Variants in PIAS4 observed in about 807,000 individuals in gnomAD.
The protein encoded by PIAS4 is protein inhibitor of activated STAT 4.
A neutral mutation model predicts 58.0 loss-of-function variants in PIAS4; 7 were observed. The ratio of observed to expected loss-of-function variants is 0.12; its 90% CI spans 0.07 to 0.23. The LOEUF (loss-of-function observed/expected upper bound fraction) is 0.23, where lower values mean the gene tolerates loss of function less well. PIAS4 is among the 10% of genes least tolerant of loss of function. The pLI is 1.00. For missense variants in PIAS4, 550 were observed against 709.5 expected (o/e 0.78, Z 2.55); for synonymous variants, 364 against 312.4 (o/e 1.17, Z -1.74).
intron 8 of PIAS4, 102 bp downstream of exon 8, chr19:4,033,275 G>C (rs1053228203): frequency 2.2e-6 from 3 of 1,372,194 alleles, no homozygotes; most frequent in African/African-American, 1.4e-5. Flanking sequence ...GTGAGCCTGC[G>C]GGGGCGAGGC....
intron 1 of PIAS4, among the ~76,000 whole-genome samples, chr19:4,009,441 GC>G (rs2039972982): frequency 6.6e-6 from 1 of 152,096 alleles, no homozygotes; most frequent in Non-Finnish European, 1.5e-5. Context: ...CCGTTTCGGG[GC>G]TTGGAGCTGT....
At chr19:4,017,952 G>A (rs1304926730) in intron 2 of PIAS4, among the ~76,000 whole-genome samples, 1 of 152,186 alleles carries the variant, frequency 6.6e-6, no homozygotes, top group Admixed American at 6.5e-5. Context: ...TGGGGTTACA[G>A]GCGTGAGCCA....
At chr19:4,014,197 C>A (rs1429376509) in intron 2 of PIAS4, among the ~76,000 whole-genome samples, 1 of 152,150 alleles carries the variant, frequency 6.6e-6, no homozygotes, top group Non-Finnish European at 1.5e-5. Context: ...TGCTGGGCTC[C>A]ACGCTTCTCT....
chr19:4,025,333 C>T (rs1422801755), intron 3 of PIAS4, among the ~76,000 whole-genome samples: 1 of 152,174 alleles, frequency 6.6e-6, no homozygotes, highest in Non-Finnish European at 1.5e-5. Flanking sequence ...AGTGTGGCTG[C>T]CCTGCGCTCT....
chr19:4,033,344 G>A (rs2040241670), intron 8 of PIAS4, 76 bp from the exon 9 acceptor site: 4 of 1,420,512 alleles, frequency 2.8e-6, no homozygotes, highest in South Asian at 1.3e-5. Context: ...CCACAGGATG[G>A]AGCTGGGGGT....
intron 2 of PIAS4, among the ~76,000 whole-genome samples, chr19:4,020,976 A>G (rs992752991): frequency 3.3e-5 from 5 of 152,154 alleles, no homozygotes; most frequent in African/African-American, 1.2e-4. Flanking sequence ...TTCCTGGGTG[A>G]TAGGGTAGGT....
At position 4,038,047 on chromosome 19, in the gene PIAS4, G is replaced by A. The variant is rs529820649; in HGVS notation, c.*172G>A. 12 of 513,034 alleles carry A rather than the reference G, an allele frequency of 2.3e-5. No homozygotes were observed. The highest frequency in any genetic ancestry group is 1.5e-4 in the South Asian group (4 of 25,892). 31.8% of individuals were successfully genotyped at this position (513,034 alleles called of 1,614,324 possible). A position where few individuals can be genotyped will look rare whatever the true frequency, so the allele number is the denominator to read the frequency against. Reference sequence around the variant, plus strand: ...GTACCTCTGGACTCTCCTATCGGGGGATTAAAAAAAAAAGTAAAATGACAA... The same window carrying A: ...GTACCTCTGGACTCTCCTATCGGGGAATTAAAAAAAAAAGTAAAATGACAA... On this transcript the variant is annotated 3_prime_UTR_variant, in exon 11 of 11. Coordinates refer to ENST00000262971, the MANE Select transcript of PIAS4 (RefSeq NM_015897.4). This position sits in a 1 kb window ranked among gnomAD's most constrained non-coding sequence, Gnocchi z 4.1.
intron 7 of PIAS4, among the ~76,000 whole-genome samples, chr19:4,031,921 C>T (rs4806967): frequency 0.22 from 33,772 of 152,188 alleles, 4,617 homozygotes; most frequent in Non-Finnish European, 0.31. Flanking sequence ...TCCACCCGGG[C>T]ACCGGGTAGC....
At chr19:4,026,795 GC>G (rs1357132563) in intron 3 of PIAS4, among the ~76,000 whole-genome samples, 2 of 152,190 alleles carry the variant, frequency 1.3e-5, no homozygotes, top group South Asian at 2.1e-4. Flanking sequence ...TGATTCTCTT[GC>G]CCCAGACTTC....
intron 9 of PIAS4, among the ~76,000 whole-genome samples, chr19:4,035,686 A>G (rs1050138244): frequency 8.4e-5 from 12 of 143,100 alleles, no homozygotes; most frequent in Admixed American, 2.9e-4. Flanking sequence ...CACACAGTGC[A>G]ATGTGAAAGC....
rs2144931498 is a variant in PIAS4, at chr19:4,029,050, G to A, written c.907+14G>A. ...GCAAGGCACTGGGTGAGCAGCTCAG[G>A]CCACCTCGGCCGAGGGGTGCCAAGT... On this transcript the variant is annotated intron_variant, in intron 7 of 10. Transcript: ENST00000262971. 5 of 1,568,424 alleles carry A rather than the reference G, an allele frequency of 3.2e-6. No homozygotes were observed. In the South Asian group the frequency reaches 4.6e-5, roughly 14 times the overall value.
intron 2 of PIAS4, among the ~76,000 whole-genome samples, chr19:4,023,664 T>C (rs2040133257): frequency 6.6e-6 from 1 of 152,108 alleles, no homozygotes. Flanking sequence ...CGGGTCCGGT[T>C]TGTGCTCAGG....
At chr19:4,031,085 G>C (rs940944209) in intron 7 of PIAS4, among the ~76,000 whole-genome samples, 1 of 152,084 alleles carries the variant, frequency 6.6e-6, no homozygotes, top group African/African-American at 2.4e-5. Flanking sequence ...TCTTCCAGCT[G>C]CCCCTCCTAG....
intron 1 of PIAS4, among the ~76,000 whole-genome samples, chr19:4,010,280 G>A (rs1166051069): frequency 3.3e-5 from 5 of 152,184 alleles, no homozygotes; most frequent in African/African-American, 2.4e-5. Flanking sequence ...GCCACCTAAG[G>A]GGTGTGCTCC....
intron 2 of PIAS4, among the ~76,000 whole-genome samples, chr19:4,020,389 A>G (rs1202657688): frequency 6.6e-6 from 1 of 152,146 alleles, no homozygotes; most frequent in Non-Finnish European, 1.5e-5. Flanking sequence ...GATGAGCTCC[A>G]GCCTTTACCA....
chr19:4,035,781 C>T (rs1182560371), intron 9 of PIAS4, among the ~76,000 whole-genome samples: 3 of 151,864 alleles, frequency 2.0e-5, no homozygotes, highest in South Asian at 2.1e-4. Context: ...CACATCCATA[C>T]AGTCCATACC....
rs2040017163 is a variant in PIAS4 at position 4,013,286 on chromosome 19, G to A, written c.391G>A (p.Val131Ile). 6.2e-7 allele frequency: 1 copy of A among 1,613,164 alleles called. No individual in the cohort carries two copies. Residue 131 changes from valine to isoleucine, a missense_variant, in exon 2 of 11, where the codon GTC becomes ATC. Around this residue, in one of 4 missense-constraint regions of PIAS4, gnomAD observed 225 missense variants for 345.8 expected, o/e 0.65. Coordinates refer to ENST00000262971, the MANE Select transcript of PIAS4 (RefSeq NM_015897.4). This position sits in a 1 kb window ranked among gnomAD's most constrained non-coding sequence, Gnocchi z 5.1. The stretch of plus-strand genomic sequence containing the variant: ...GCCCGCCAAGACCCTCAAGCCAGAA[G>A]TCCGCCTGGTGAAGCTGCCGTTCTT... Reference protein sequence around the residue: ...RLPAKTLKPEVRLVKLPFFNM... With the variant: ...RLPAKTLKPEIRLVKLPFFNM...
In PIAS4 at chr19:4,013,399, C is replaced by A. The variant is rs373926839; in HGVS notation, c.454+50C>A. 2.0e-6 allele frequency: 3 copies of A among 1,509,200 alleles called. No individual in the cohort carries two copies. The South Asian group carries it at 3.6e-5, about 18-fold the overall frequency. 93.5% of individuals were successfully genotyped at this position (1,509,200 alleles called of 1,614,324 possible). On this transcript the variant is annotated intron_variant, in intron 2 of 10. Transcript: ENST00000262971. This position sits in a 1 kb window ranked among gnomAD's most constrained non-coding sequence, Gnocchi z 5.1. ...GCGACTGGAGGCTTCACCTAGGCCC[C>A]GTCGCCCAGCCCAGCCCAGCCACAC... is the stretch of plus-strand genomic sequence containing the variant.
intron 7 of PIAS4, among the ~76,000 whole-genome samples, chr19:4,029,785 CAT>C (rs2040204810): frequency 6.7e-6 from 1 of 148,844 alleles, no homozygotes; most frequent in African/African-American, 2.5e-5. Context: ...CTTGGGACCA[CAT>C]GTGTTCACCA....
Sources: gnomAD v4.1 joint callset for allele counts (sites outside exome capture counted in the v4.1 genomes callset) on GRCh38, gnomAD v4.1.1 for gene constraint, gnomAD v4.1.1 regional missense constraint, Gnocchi (gnomAD v3.1) non-coding constraint, MANE v1.5 for transcripts, NCBI Gene and HGNC (gene_info 2026-07-23, HGNC 2026-07-21) for gene names.